The following MSRB3 variants were observed in gnomAD, a reference collection of about 807,000 sequenced individuals.
The protein encoded by MSRB3 is methionine-R-sulfoxide reductase B3.
MSRB3 carries 13 observed loss-of-function variants against 21.0 expected under a neutral mutation model. The observed-to-expected ratio is 0.62, with a 90% CI of 0.40 to 0.98. MSRB3 has a LOEUF of 0.98. Ranked by LOEUF, MSRB3 falls within the 50% of genes least tolerant of loss-of-function variation. The pLI is 0.00. For missense variants in MSRB3, 199 were observed against 230.3 expected, an observed-to-expected ratio of 0.86 and a Z score of 0.88; for synonymous variants, 87 against 88.6, an observed-to-expected ratio of 0.98 and a Z score of 0.10.
At chr12:65,458,438 T>C (rs1883186019) in intron 6 of MSRB3, among the ~76,000 whole-genome samples, 1 of 152,216 alleles carries the variant, frequency 6.6e-6, no homozygotes, top group Admixed American at 6.5e-5. Flanking sequence ...AAAGATTTAC[T>C]GAGAGAGTTC....
At chr12:65,366,193 G>T (rs369828255) in intron 4 of MSRB3, among the ~76,000 whole-genome samples, 20 of 152,282 alleles carry the variant, frequency 1.3e-4, no homozygotes, top group African/African-American at 3.6e-4. Flanking sequence ...GAGACAGGGG[G>T]CCCCTGCTTT....
intron 5 of MSRB3, among the ~76,000 whole-genome samples, chr12:65,445,611 T>C (rs754004154): frequency 1.3e-5 from 2 of 151,528 alleles, no homozygotes; most frequent in East Asian, 3.9e-4. Context: ...ATTTCATGTA[T>C]ATTGTAAATT....
intron 4 of MSRB3, among the ~76,000 whole-genome samples, chr12:65,351,027 C>T (rs1173178412): frequency 6.6e-6 from 1 of 151,736 alleles, no homozygotes; most frequent in African/African-American, 2.4e-5. Flanking sequence ...CAGCACCACA[C>T]CACGCCTATT....
intron 6 of MSRB3, among the ~76,000 whole-genome samples, chr12:65,454,938 A>G (rs914494612): frequency 3.9e-5 from 6 of 152,206 alleles, no homozygotes; most frequent in African/African-American, 1.4e-4. Context: ...TGTTCTTTCA[A>G]CCTGCTTTAA....
intron 5 of MSRB3, among the ~76,000 whole-genome samples, chr12:65,449,041 T>G (rs1029384549): frequency 1.3e-5 from 2 of 152,298 alleles, no homozygotes; most frequent in South Asian, 4.1e-4. Context: ...TTTTATTTTA[T>G]TTTTTGAGAC....
At chr12:65,388,090 A>G (rs549406476) in intron 5 of MSRB3, among the ~76,000 whole-genome samples, 34 of 152,344 alleles carry the variant, frequency 2.2e-4, no homozygotes, top group African/African-American at 8.2e-4. Context: ...ATTAGCATTC[A>G]CTGTTGTTGA....
In MSRB3 at chr12:65,413,150, G is replaced by A. The variant is rs570327451; in HGVS notation, c.293-40578G>A. 2.2e-4 allele frequency among the ~76,000 whole-genome samples: 33 copies of A among 152,266 alleles called. No homozygotes were observed. In the South Asian group the frequency reaches 3.3e-3, roughly 15 times the overall value. ...AATTAGTGCTTACCCTATGTCAACA[G>A]TGTCTCTTCAAATTGCTAAAAGGTC... is the stretch of plus-strand genomic sequence containing the variant. On this transcript the variant is annotated intron_variant, in intron 5 of 6. Coordinates refer to ENST00000308259, the MANE Select transcript of MSRB3 (RefSeq NM_001031679.3).
intron 6 of MSRB3, among the ~76,000 whole-genome samples, chr12:65,461,261 G>T (rs1480095692): frequency 6.6e-6 from 1 of 152,174 alleles, no homozygotes; most frequent in Non-Finnish European, 1.5e-5. Flanking sequence ...TCCTGTGTCC[G>T]TTGGGCAAGC....
chr12:65,371,528 G>A (rs1045026183), intron 5 of MSRB3, among the ~76,000 whole-genome samples: 2 of 151,414 alleles, frequency 1.3e-5, no homozygotes, highest in East Asian at 3.9e-4. Context: ...TAAATACTAT[G>A]GTCAGTGACC....
rs1278135501 is a variant in MSRB3 at position 65,365,764 on chromosome 12, A to G, written c.264-3234A>G. 2.6e-5 allele frequency among the ~76,000 whole-genome samples: 4 copies of G among 152,336 alleles called. No homozygotes were observed. The South Asian group carries it at 6.2e-4, about 24-fold the overall frequency. On this transcript the variant is annotated intron_variant, in intron 4 of 6. Transcript: ENST00000308259. ...CCTATCTTGACACATACACCTTATA[A>G]TGAAAAATGATACCAAATGACTGAG... is the stretch of plus-strand genomic sequence containing the variant.
chr12:65,278,854 G>A lies in MSRB3; in HGVS notation c.-63G>A. 6.4e-7 allele frequency: 1 copy of A among 1,560,796 alleles called. No individual in the cohort carries two copies. The highest frequency in any genetic ancestry group is 1.2e-5 in the South Asian group (1 of 84,636). On this transcript the variant is annotated 5_prime_UTR_variant, in exon 1 of 7. The change creates a new upstream start codon in the 5' untranslated region. Coordinates refer to ENST00000308259, the MANE Select transcript of MSRB3 (RefSeq NM_001031679.3). ...CTCTGCCTGGCCGCGGCTCTGGGAA[G>A]TGCGCAGTCCGGTAAGTTCGGGCTC...
At chr12:65,430,634 G>C (rs569480114) in intron 5 of MSRB3, among the ~76,000 whole-genome samples, 1 of 152,168 alleles carries the variant, frequency 6.6e-6, no homozygotes, top group Admixed American at 6.5e-5. Context: ...TTTGTTGTTT[G>C]TTAATTTCCT....
At chr12:65,431,327 T>G (rs1881865970) in intron 5 of MSRB3, among the ~76,000 whole-genome samples, 1 of 152,076 alleles carries the variant, frequency 6.6e-6, no homozygotes, top group South Asian at 2.1e-4. Context: ...CTTAAACTTT[T>G]TAACCTCCTC....
chr12:65,450,013 T>C (rs1882786500), intron 5 of MSRB3, among the ~76,000 whole-genome samples: 2 of 152,200 alleles, frequency 1.3e-5, no homozygotes, highest in Admixed American at 1.3e-4. Flanking sequence ...ATACTACTTG[T>C]GGAGAGCTAT....
intron 5 of MSRB3, among the ~76,000 whole-genome samples, chr12:65,395,279 C>T (rs898598651): frequency 3.3e-5 from 5 of 151,986 alleles, no homozygotes; most frequent in African/African-American, 1.2e-4. Context: ...CCAGCCTGAC[C>T]AACATGGTGA....
chr12:65,460,773 C>T (rs1471350092), intron 6 of MSRB3, among the ~76,000 whole-genome samples: 1 of 149,084 alleles, frequency 6.7e-6, no homozygotes, highest in Non-Finnish European at 1.5e-5. Context: ...TAGGGACACA[C>T]CTAGAATCAG....
chr12:65,389,631 C>T (rs967233092), intron 5 of MSRB3, among the ~76,000 whole-genome samples: 3 of 152,210 alleles, frequency 2.0e-5, no homozygotes, highest in African/African-American at 7.2e-5. Flanking sequence ...CCGATCCCTT[C>T]CCTTTCTTCC....
chr12:65,308,158 T>C (rs191404978), intron 1 of MSRB3, among the ~76,000 whole-genome samples: 251 of 152,330 alleles, frequency 1.6e-3, no homozygotes, highest in African/African-American at 5.2e-3. Context: ...ACCTACCTCC[T>C]TGGTTTATTG....
chr12:65,435,001 G>A (rs1882052545), intron 5 of MSRB3, among the ~76,000 whole-genome samples: 1 of 151,862 alleles, frequency 6.6e-6, no homozygotes, highest in South Asian at 2.1e-4. Context: ...TCCAAGTTTT[G>A]ATGGTGGCTG....
Sources: gnomAD v4.1 joint callset for allele counts (sites outside exome capture counted in the v4.1 genomes callset) on GRCh38, gnomAD v4.1.1 for gene constraint, MANE v1.5 for transcripts, NCBI Gene and HGNC (gene_info 2026-07-23, HGNC 2026-07-21) for gene names.